The following WDR27 variants were observed in gnomAD, a reference collection of about 807,000 sequenced individuals.
WDR27 encodes WD repeat-containing protein 27.
WDR27 carries 100 observed loss-of-function variants against 114.4 expected under a neutral mutation model. That is an observed-to-expected ratio of 0.87 (90% confidence interval 0.74 to 1.03). The LOEUF is 1.03. Ranked by LOEUF, WDR27 falls within the 50% of genes least tolerant of loss-of-function variation. The pLI is 0.00. For missense variants in WDR27, 1,129 were observed against 1,092.9 expected, an observed-to-expected ratio of 1.03 and a Z score of -0.47; for synonymous variants, 449 against 423.1, an observed-to-expected ratio of 1.06 and a Z score of -0.75.
At chr6:169,563,065 A>G (rs2128117139) in intron 25 of WDR27, among the ~76,000 whole-genome samples, 1 of 152,236 alleles carries the variant, frequency 6.6e-6, no homozygotes, top group Non-Finnish European at 1.5e-5. Context: ...AAGATGAGGA[A>G]AAGTATGATA....
intron 25 of WDR27, among the ~76,000 whole-genome samples, chr6:169,514,488 G>A (rs1441562966): frequency 6.8e-6 from 1 of 146,136 alleles, no homozygotes; most frequent in Non-Finnish European, 1.5e-5. Flanking sequence ...AAATATATAT[G>A]TATATATATA....
At chr6:169,693,493 C>T (rs879369373) in intron 1 of WDR27, among the ~76,000 whole-genome samples, 3 of 152,074 alleles carry the variant, frequency 2.0e-5, no homozygotes, top group Non-Finnish European at 2.9e-5. Context: ...TCAATACTAA[C>T]GCTGAATGTA....
chr6:169,590,969 T>C (rs76234996), intron 23 of WDR27, among the ~76,000 whole-genome samples: 3,180 of 152,320 alleles, frequency 0.021, 74 homozygotes, highest in East Asian at 0.087. Flanking sequence ...ATCTCTTCCA[T>C]ATACGGATTT....
intron 25 of WDR27, among the ~76,000 whole-genome samples, chr6:169,508,603 T>A (rs1253518746): frequency 6.6e-6 from 1 of 152,214 alleles, no homozygotes; most frequent in African/African-American, 2.4e-5. Flanking sequence ...ACAAGAATAT[T>A]CTGAAAGGAT....
chr6:169,515,129 T>C (rs1465488598), intron 25 of WDR27, among the ~76,000 whole-genome samples: 1 of 152,090 alleles, frequency 6.6e-6, no homozygotes, highest in Non-Finnish European at 1.5e-5. Context: ...TTAGTACAAC[T>C]TCTTTGGAAA....
At chr6:169,625,132 C>G (rs1286226267) in intron 21 of WDR27, among the ~76,000 whole-genome samples, 1 of 152,218 alleles carries the variant, frequency 6.6e-6, no homozygotes, top group African/African-American at 2.4e-5. Context: ...TCATGGAGTT[C>G]TTCTGGGTCC....
chr6:169,461,241 A>C (rs1056978522), intron 25 of WDR27, among the ~76,000 whole-genome samples: 3 of 152,184 alleles, frequency 2.0e-5, no homozygotes, highest in Admixed American at 1.3e-4. Flanking sequence ...AGGTAAGGAC[A>C]TAGAGAATTT....
chr6:169,521,661 T>C (rs1429890154), intron 25 of WDR27, among the ~76,000 whole-genome samples: 1 of 152,112 alleles, frequency 6.6e-6, no homozygotes, highest in Non-Finnish European at 1.5e-5. Context: ...TCAAAATAGA[T>C]GGAGCTTAAA....
intron 25 of WDR27, among the ~76,000 whole-genome samples, chr6:169,524,587 T>C (rs554562683): frequency 6.0e-4 from 91 of 152,082 alleles, no homozygotes; most frequent in Non-Finnish European, 1.2e-3. Context: ...AACAGGCACA[T>C]AGAGCAATGA....
chr6:169,500,189 T>C (rs933457023), intron 25 of WDR27, among the ~76,000 whole-genome samples: 1 of 152,148 alleles, frequency 6.6e-6, no homozygotes, highest in Non-Finnish European at 1.5e-5. Context: ...TTGGAAAATA[T>C]TGAGTTTTTA....
intron 21 of WDR27, among the ~76,000 whole-genome samples, chr6:169,624,041 C>T (rs909952513): frequency 2.4e-4 from 37 of 152,194 alleles, no homozygotes; most frequent in African/African-American, 7.9e-4. Context: ...CCACATGCCG[C>T]GTGTGGGGTC....
Position 169,670,688 on chromosome 6 carries a change from C to T in WDR27, c.337G>A (p.Val113Ile). 6.2e-7 allele frequency: 1 copy of T among 1,613,972 alleles called. No individual in the cohort carries two copies. The highest frequency in any genetic ancestry group is 1.1e-5 in the South Asian group (1 of 91,064). Residue 113 changes from valine (V) to isoleucine (I), a missense_variant, in exon 4 of 26, where the codon GTC becomes ATC. By Grantham distance (29) the Val-to-Ile change is conservative (BLOSUM62 3). Transcript: ENST00000448612. ...ECREKVLQGL[V>I]PRGTVMGSLL... ...GAGCCCATGACAGTCCCTCGAGGGA[C>T]CAGCCCTAGAGTGAGTTTCACCATT...
intron 25 of WDR27, among the ~76,000 whole-genome samples, chr6:169,466,634 T>G (rs2115305331): frequency 6.6e-6 from 1 of 151,918 alleles, no homozygotes; most frequent in South Asian, 2.1e-4. Flanking sequence ...GCCAAACCAA[T>G]CAAACAGCAT....
chr6:169,636,867 T>C lies in WDR27; in HGVS notation c.1870-363A>G, dbSNP rs912902474. ...CAAATTTAGACCTCACAACCAAACG[T>C]TATGACACAGAGCAAGCTGACGGCA... On this transcript the variant is annotated intron_variant, in intron 18 of 25. Transcript: ENST00000448612. 3.9e-5 allele frequency among the ~76,000 whole-genome samples: 6 copies of C among 152,176 alleles called. No homozygotes were observed. In the South Asian group the frequency reaches 1.2e-3, roughly 32 times the overall value.
chr6:169,609,839 C>T (rs774921722), intron 22 of WDR27, among the ~76,000 whole-genome samples: 28 of 152,180 alleles, frequency 1.8e-4, no homozygotes, highest in African/African-American at 5.5e-4. Context: ...ACTTTTATGC[C>T]GTTTCCCTTT....
chr6:169,602,344 A>G (rs1808188746), intron 22 of WDR27, 23 bp from the exon 23 acceptor site: 1 of 1,466,050 alleles, frequency 6.8e-7, no homozygotes, highest in Non-Finnish European at 9.3e-7. Flanking sequence ...AAGAAACACC[A>G]GGAGAAAAAT....
At chr6:169,595,421 C>T (rs1377663911) in intron 23 of WDR27, among the ~76,000 whole-genome samples, 2 of 152,090 alleles carry the variant, frequency 1.3e-5, no homozygotes, top group East Asian at 3.9e-4. Flanking sequence ...CTACTATGCC[C>T]AATAGTGAGG....
chr6:169,605,846 AAC>A (rs1272730537), intron 22 of WDR27, among the ~76,000 whole-genome samples: 1 of 152,164 alleles, frequency 6.6e-6, no homozygotes, highest in Middle Eastern at 3.2e-3. Context: ...TGACAAAATC[AAC>A]AATGGGGAAA....
At chr6:169,605,089 C>T (rs932437174) in intron 22 of WDR27, among the ~76,000 whole-genome samples, 19 of 112,528 alleles carry the variant, frequency 1.7e-4, no homozygotes, top group African/African-American at 6.6e-4. Context: ...TCCTAGAAGT[C>T]CTAGCCAGAG....
Sources: gnomAD v4.1 joint callset for allele counts (sites outside exome capture counted in the v4.1 genomes callset) on GRCh38, gnomAD v4.1.1 for gene constraint, MANE v1.5 for transcripts, NCBI Gene and HGNC (gene_info 2026-07-23, HGNC 2026-07-21) for gene names.